SERPINB7: variants seen among roughly 807,000 people sequenced by gnomAD.
SERPINB7 encodes serpin B7.
In SERPINB7, 31 loss-of-function variants were observed where a neutral mutation model predicts 37.4. The ratio of observed to expected loss-of-function variants is 0.83; its 90% CI spans 0.62 to 1.12. SERPINB7 has a LOEUF of 1.12. SERPINB7 is among the 50% of genes most tolerant of loss of function. SERPINB7 has a pLI of 0.00. For synonymous variants in SERPINB7, 163 were observed against 166.1 expected (o/e 0.98, Z 0.14); for missense variants, 521 against 455.3 (o/e 1.14, Z -1.31).
chr18:63,758,382 AT>A (rs1272091035), intron 1 of SERPINB7, among the ~76,000 whole-genome samples: 7 of 152,148 alleles, frequency 4.6e-5, no homozygotes, highest in Non-Finnish European at 1.0e-4. Flanking sequence ...TAGTGACTGA[AT>A]TTTTTACTGT....
intron 1 of SERPINB7, among the ~76,000 whole-genome samples, chr18:63,761,036 A>G (rs1435968307): frequency 6.6e-6 from 1 of 152,190 alleles, no homozygotes; most frequent in Non-Finnish European, 1.5e-5. Flanking sequence ...GAATGGGAAG[A>G]TCCACTGACA....
intron 2 of SERPINB7, among the ~76,000 whole-genome samples, chr18:63,789,531 A>G (rs1161940510): frequency 4.6e-5 from 7 of 152,190 alleles, no homozygotes; most frequent in Non-Finnish European, 1.0e-4. Context: ...GACCAACTCC[A>G]CTGTTCGCCA....
intron 5 of SERPINB7, among the ~76,000 whole-genome samples, chr18:63,797,604 A>C (rs1324163124): frequency 2.0e-5 from 3 of 152,172 alleles, no homozygotes. Flanking sequence ...TATTTATTTG[A>C]GGAAGCACTT....
chr18:63,783,911 C>A (rs535526860), intron 2 of SERPINB7, among the ~76,000 whole-genome samples: 4 of 151,994 alleles, frequency 2.6e-5, no homozygotes, highest in Admixed American at 6.6e-5. Context: ...TAATTCCTTC[C>A]TTTATCTGAA....
intron 1 of SERPINB7, among the ~76,000 whole-genome samples, chr18:63,760,894 G>T (rs1453367508): frequency 6.6e-6 from 1 of 152,224 alleles, no homozygotes; most frequent in African/African-American, 2.4e-5. Flanking sequence ...CTGTAGGAGT[G>T]GTCCTCTCAT....
rs193007416 is a variant in SERPINB7 at position 63,761,621 on chromosome 18, C to A, written c.-19+8501C>A. Among the ~76,000 whole-genome samples, 274 of 152,244 alleles carry A rather than the reference C, an allele frequency of 1.8e-3. 1 individual carries two copies. Among genetic ancestry groups the A allele is most frequent in the Non-Finnish European group, 2.1e-3 (141 of 68,016 alleles). On this transcript the variant is annotated intron_variant, in intron 1 of 7. Transcript: ENST00000336429. ...GAATTCCCACATGTTGTGGGAGGGACCCAGGGAGAGGCAATTGAATCATGG... is the reference window on the plus strand; with the variant it reads ...GAATTCCCACATGTTGTGGGAGGGAACCAGGGAGAGGCAATTGAATCATGG...
chr18:63,762,588 T>C (rs1355914768), intron 1 of SERPINB7, among the ~76,000 whole-genome samples: 1 of 152,192 alleles, frequency 6.6e-6, no homozygotes, highest in Non-Finnish European at 1.5e-5. Flanking sequence ...GAACTGCATA[T>C]GCCAAGGATC....
intron 1 of SERPINB7, chr18:63,778,256 T>A (rs1013948205): frequency 6.6e-6 from 1 of 152,146 alleles, no homozygotes; most frequent in African/African-American, 2.4e-5. Flanking sequence ...AATATACTAA[T>A]TTGATTAGAG....
At chr18:63,759,690 G>T (rs186637563) in intron 1 of SERPINB7, among the ~76,000 whole-genome samples, 1 of 152,304 alleles carries the variant, frequency 6.6e-6, no homozygotes, top group African/African-American at 2.4e-5. Context: ...TGTTGTGGAA[G>T]GACCCAGAGG....
At chr18:63,762,347 A>C (rs1286172874) in intron 1 of SERPINB7, among the ~76,000 whole-genome samples, 2 of 152,190 alleles carry the variant, frequency 1.3e-5, no homozygotes, top group Non-Finnish European at 2.9e-5. Flanking sequence ...GGTCTCTAAA[A>C]TAAGATTGTC....
At chr18:63,753,588 G>C (rs1331901345) in intron 1 of SERPINB7, among the ~76,000 whole-genome samples, 6 of 152,154 alleles carry the variant, frequency 3.9e-5, no homozygotes. Context: ...ATATTTACAA[G>C]CTAGTTTTAC....
intron 1 of SERPINB7, among the ~76,000 whole-genome samples, chr18:63,754,292 G>C (rs1485818464): frequency 6.6e-6 from 1 of 152,154 alleles, no homozygotes; most frequent in Non-Finnish European, 1.5e-5. Flanking sequence ...TAAATTTCAC[G>C]CCAAGGGAAT....
chr18:63,790,635 A>C (rs915617106), intron 2 of SERPINB7, among the ~76,000 whole-genome samples: 1 of 152,242 alleles, frequency 6.6e-6, no homozygotes, highest in Admixed American at 6.5e-5. Flanking sequence ...GAGATAGTAC[A>C]AATTCTAATT....
chr18:63,791,696 T>C (rs1238554267), intron 2 of SERPINB7, among the ~76,000 whole-genome samples: 5 of 152,084 alleles, frequency 3.3e-5, no homozygotes, highest in African/African-American at 7.2e-5. Context: ...CTGCAAGCTC[T>C]ACCTCCTGGG....
chr18:63,781,968 A>G (rs1387557797), intron 1 of SERPINB7, among the ~76,000 whole-genome samples: 1 of 152,242 alleles, frequency 6.6e-6, no homozygotes, highest in Admixed American at 6.5e-5. Context: ...ATTGAATTAC[A>G]GATGGTTTAG....
intron 1 of SERPINB7, among the ~76,000 whole-genome samples, chr18:63,757,437 G>A (rs1106319): frequency 0.031 from 4,667 of 152,248 alleles, 104 homozygotes; most frequent in African/African-American, 0.059. Flanking sequence ...GGATTTAGCT[G>A]GTGCAATAAA....
At chr18:63,765,105 C>T (rs1434965526) in intron 1 of SERPINB7, among the ~76,000 whole-genome samples, 1 of 152,102 alleles carries the variant, frequency 6.6e-6, no homozygotes, top group Non-Finnish European at 1.5e-5. Flanking sequence ...TTCATAGTCA[C>T]CTCCCACAAT....
chr18:63,801,107 T>G, intron 7 of SERPINB7, 95 bp downstream of exon 7: 2 of 1,259,210 alleles, frequency 1.6e-6, no homozygotes, highest in Non-Finnish European at 1.1e-6. Context: ...TTTCAGGGTA[T>G]TGAGATACTA....
intron 1 of SERPINB7, among the ~76,000 whole-genome samples, chr18:63,756,092 T>TACAC (rs5825530): frequency 4.5e-4 from 67 of 148,802 alleles, no homozygotes; most frequent in African/African-American, 1.5e-3. Context: ...ATATAGGGTT[T>TACAC]ACACACACAC....
Sources: allele counts gnomAD v4.1 joint callset (sites outside exome capture counted in the v4.1 genomes callset), GRCh38; gene constraint gnomAD v4.1.1; transcripts MANE v1.5; gene names NCBI Gene and HGNC (gene_info 2026-07-23, HGNC 2026-07-21).